Variants in UMPS observed in about 807,000 individuals in gnomAD.
UMPS encodes the protein uridine monophosphate synthetase, also known as uridine 5'-monophosphate synthase.
A neutral mutation model predicts 38.9 loss-of-function variants in UMPS; 21 were observed. That is an observed-to-expected ratio of 0.54 (90% confidence interval 0.38 to 0.78). The LOEUF is 0.78. Ranked by LOEUF, UMPS falls within the 30% of genes least tolerant of loss-of-function variation. The probability of loss-of-function intolerance (pLI) is 0.00; values close to 1 mark genes in which losing one functional copy is unlikely to be tolerated. For missense variants in UMPS, 533 were observed against 591.6 expected, an observed-to-expected ratio of 0.90 and a Z score of 1.03; for synonymous variants, 208 against 219.3, an observed-to-expected ratio of 0.95 and a Z score of 0.45.
At chr3:124,732,967 G>GGT (rs61383415) in intron 1 of UMPS, among the ~76,000 whole-genome samples, 30,496 of 147,622 alleles carry the variant, frequency 0.21, 3,485 homozygotes, top group Middle Eastern at 0.38. Flanking sequence ...ACTAGATCAT[G>GGT]GTGTGTGTGT....
chr3:124,744,535 A>G lies in UMPS; in HGVS notation c.*451A>G, dbSNP rs754465265. On this transcript the variant is annotated 3_prime_UTR_variant, in exon 6 of 6. Transcript: ENST00000232607. The stretch of plus-strand genomic sequence containing the variant: ...GTGATCCTCCCACCTCAGCTTCCAG[A>G]TTAGCTGGTGCTATAGGCATGCACC... The G allele has an allele frequency of 8.8e-6, 4 of 453,982 alleles. No homozygotes were observed. Among genetic ancestry groups the G allele is most frequent in the South Asian group, 6.2e-5 (4 of 64,466 alleles). The allele number at this position is 453,982 out of a possible 1,614,324, so 28.1% of individuals were successfully genotyped here.
chr3:124,736,501 C>T (rs190426548), intron 2 of UMPS, among the ~76,000 whole-genome samples: 35 of 152,096 alleles, frequency 2.3e-4, no homozygotes, highest in Non-Finnish European at 4.4e-5. Context: ...CAAGGTCTCA[C>T]TCTGTTGCCC....
At chr3:124,735,381 T>C (rs1179457541) in intron 2 of UMPS, 135 bp downstream of exon 2, 4 of 830,182 alleles carry the variant, frequency 4.8e-6, no homozygotes, top group Non-Finnish European at 5.7e-6. Flanking sequence ...GTAGAATTTA[T>C]AATTGTTACT....
chr3:124,743,837 T>C (rs1017779340), intron 5 of UMPS, 78 bp from the exon 6 acceptor site: 2 of 1,574,958 alleles, frequency 1.3e-6, no homozygotes, highest in Admixed American at 1.7e-5. Flanking sequence ...GCTGGTTAGA[T>C]ACTTTTTCAG....
chr3:124,741,951 T>TA (rs1236149491), intron 4 of UMPS, among the ~76,000 whole-genome samples: 29 of 151,840 alleles, frequency 1.9e-4, no homozygotes, highest in African/African-American at 6.8e-4. Flanking sequence ...CATGGTGACT[T>TA]ACAACTGTAA....
Position 124,749,165 on chromosome 3 carries a change from G to A in UMPS, c.*5081G>A, listed in dbSNP as rs777055483. 6.2e-5 allele frequency: 28 copies of A among 453,866 alleles called. 1 individual carries two copies. Among genetic ancestry groups the A allele is most frequent in the South Asian group, 4.0e-4 (26 of 64,468 alleles). The allele number at this position is 453,866 out of a possible 1,614,324, so 28.1% of individuals were successfully genotyped here. A position where few individuals can be genotyped will look rare whatever the true frequency, so the allele number is the denominator to read the frequency against. On this transcript the variant is annotated 3_prime_UTR_variant, in exon 6 of 6. Transcript: ENST00000232607. ...CTGGAACCTAGCAATGTTGTTTTCT[G>A]CCACAACTTGAATAGATACTTGAAG...
intron 4 of UMPS, among the ~76,000 whole-genome samples, chr3:124,741,512 G>A (rs1288783636): frequency 6.6e-6 from 1 of 152,216 alleles, no homozygotes; most frequent in Non-Finnish European, 1.5e-5. Flanking sequence ...AGTGGTAGAG[G>A]TGAGATTTCT....
chr3:124,738,301 A>G (rs1328807537), intron 3 of UMPS, 62 bp downstream of exon 3: 3 of 1,557,488 alleles, frequency 1.9e-6, no homozygotes, highest in Non-Finnish European at 2.6e-6. Flanking sequence ...AAGAAGAAAA[A>G]GGAAATGCTC....
In UMPS at chr3:124,746,755, TTGTGTGTG is replaced by T. The variant is rs58981387; in HGVS notation, c.*2706_*2713del. 57,546 of 419,746 alleles carry T rather than the reference TTGTGTGTG, an allele frequency of 0.14. 1,606 individuals are homozygous for T. The highest frequency in any genetic ancestry group is 0.2 in the Admixed American group (7,937 of 40,008). The allele number at this position is 419,746 out of a possible 1,614,324, so 26.0% of individuals were successfully genotyped here. ...ATTCTGTAGAACATAAGCCCATAGA[TTGTGTGTG>T]TGTGTGTGTGTGTGTGTGTGTGTGT... On this transcript the variant is annotated 3_prime_UTR_variant, in exon 6 of 6. Coordinates refer to ENST00000232607, the MANE Select transcript of UMPS (RefSeq NM_000373.4).
Position 124,737,847 on chromosome 3 carries a change from T to C in UMPS, c.590T>C (p.Val197Ala). Reference sequence around the variant, plus strand: ...GTTGATGCTGAGACAGTTGGGAGAGTGAAGAGGTTTATTCAGGAGAATGTC... The same window carrying C: ...GTTGATGCTGAGACAGTTGGGAGAGCGAAGAGGTTTATTCAGGAGAATGTC... Reference protein sequence around the residue: ...KKVDAETVGRVKRFIQENVFV... With the variant: ...KKVDAETVGRAKRFIQENVFV... The change falls in exon 3 of 6, where the codon GTG becomes GCG. Residue 197 changes from valine to alanine, a missense_variant. Val to Ala is a moderately conservative substitution (Grantham distance 64). Coordinates refer to ENST00000232607, the MANE Select transcript of UMPS (RefSeq NM_000373.4). The C allele has an allele frequency of 6.2e-7, 1 of 1,613,932 alleles. No homozygotes were observed. Among genetic ancestry groups the C allele is most frequent in the African/African-American group, 1.3e-5 (1 of 74,942 alleles).
rs146101361 is a variant in UMPS, at chr3:124,749,087, T to G, written c.*5003T>G. ...CTTAGCAGCCCTGCAGGGTGAGACT[T>G]GGGGAGGATCCTGAAATGATTGTAT... On this transcript the variant is annotated 3_prime_UTR_variant, in exon 6 of 6. Coordinates refer to ENST00000232607, the MANE Select transcript of UMPS (RefSeq NM_000373.4). 2 of 454,124 alleles carry G rather than the reference T, an allele frequency of 4.4e-6. No individual in the cohort carries two copies. Among genetic ancestry groups the G allele is most frequent in the Admixed American group, 4.7e-5 (2 of 42,570 alleles). The allele number at this position is 454,124 out of a possible 1,614,324, so 28.1% of individuals were successfully genotyped here. A position where few individuals can be genotyped will look rare whatever the true frequency, so the allele number is the denominator to read the frequency against.
chr3:124,744,862 T>C lies in UMPS; in HGVS notation c.*778T>C. On this transcript the variant is annotated 3_prime_UTR_variant, in exon 6 of 6. Coordinates refer to ENST00000232607, the MANE Select transcript of UMPS (RefSeq NM_000373.4). Reference sequence around the variant, plus strand: ...TCTGGCCTAAAAGTGATAGTCCAGGTATCCACATGGGCTGGTTCCCAGAAC... The same window carrying C: ...TCTGGCCTAAAAGTGATAGTCCAGGCATCCACATGGGCTGGTTCCCAGAAC... 2.2e-6 allele frequency: 1 copy of C among 454,098 alleles called. No homozygotes were observed. The highest frequency in any genetic ancestry group is 4.4e-6 in the Non-Finnish European group (1 of 226,794). 28.1% of individuals were successfully genotyped at this position (454,098 alleles called of 1,614,324 possible).
Position 124,738,156 on chromosome 3 carries a change from C to G in UMPS, c.899C>G (p.Thr300Ser). The change falls in exon 3 of 6, where the codon ACT (threonine) becomes AGT (serine). Residue 300 changes from threonine to serine, a missense_variant. Physicochemically the swap from Thr to Ser is moderately conservative, Grantham distance 58. Coordinates refer to ENST00000232607, the MANE Select transcript of UMPS (RefSeq NM_000373.4). ...CTGGATGTGATGAAGGAGTTGATAA[C>G]TCTGGCAAAATGCCATGAGTTCTTG... ...FTLDVMKELI[T>S]LAKCHEFLIF... 1 of 1,614,168 alleles carries G rather than the reference C, an allele frequency of 6.2e-7. No individual in the cohort carries two copies.
intron 2 of UMPS, chr3:124,737,224 T>C (rs2063523833): frequency 3.5e-6 from 1 of 286,568 alleles, no homozygotes; most frequent in Non-Finnish European, 6.7e-6. Flanking sequence ...GACAACATAG[T>C]GAGACCTCAT....
chr3:124,740,214 G>T lies in UMPS; in HGVS notation c.1158+15G>T. 3 of 1,598,952 alleles carry T rather than the reference G, an allele frequency of 1.9e-6. No homozygotes were observed. The highest frequency in any genetic ancestry group is 2.2e-5 in the South Asian group (2 of 89,930). On this transcript the variant is annotated intron_variant, in intron 4 of 5. Coordinates refer to ENST00000232607, the MANE Select transcript of UMPS (RefSeq NM_000373.4). ...CTAGAGCAGCGGTAAGTGGTGGGGG[G>T]ACTGGGTGAGAGGGGGCAGGGGCTG...
chr3:124,746,660 G>A lies in UMPS; in HGVS notation c.*2576G>A, dbSNP rs1251989510. ...TATAGGGACCCCATGTCTCCATGGGGTGCACAGAATGTCTGTGAGACTGAT... is the reference window on the plus strand; with the variant it reads ...TATAGGGACCCCATGTCTCCATGGGATGCACAGAATGTCTGTGAGACTGAT... On this transcript the variant is annotated 3_prime_UTR_variant, in exon 6 of 6. Transcript: ENST00000232607. 4.4e-6 allele frequency: 2 copies of A among 453,864 alleles called. No homozygotes were observed. Among genetic ancestry groups the A allele is most frequent in the Admixed American group, 4.7e-5 (2 of 42,554 alleles). 28.1% of individuals were successfully genotyped at this position (453,864 alleles called of 1,614,324 possible). A position where few individuals can be genotyped will look rare whatever the true frequency, so the allele number is the denominator to read the frequency against.
Position 124,748,621 on chromosome 3 carries a change from C to T in UMPS, c.*4537C>T. 1 of 453,968 alleles carries T rather than the reference C, an allele frequency of 2.2e-6. No individual in the cohort carries two copies. Among genetic ancestry groups the T allele is most frequent in the Admixed American group, 2.4e-5 (1 of 42,550 alleles). 28.1% of individuals were successfully genotyped at this position (453,968 alleles called of 1,614,324 possible). ...GGCTCTCACGTGCTGCTGCTGAATC[C>T]CAGGGAAGGAGGGAGGAAGGGCAGT... On this transcript the variant is annotated 3_prime_UTR_variant, in exon 6 of 6. Coordinates refer to ENST00000232607, the MANE Select transcript of UMPS (RefSeq NM_000373.4).
rs1344878542 is a variant in UMPS at position 124,745,165 on chromosome 3, T to C, written c.*1081T>C. 5 of 453,978 alleles carry C rather than the reference T, an allele frequency of 1.1e-5. No homozygotes were observed. Among genetic ancestry groups the C allele is most frequent in the Non-Finnish European group, 2.2e-5 (5 of 226,794 alleles). The allele number at this position is 453,978 out of a possible 1,614,324, so 28.1% of individuals were successfully genotyped here. On this transcript the variant is annotated 3_prime_UTR_variant, in exon 6 of 6. Coordinates refer to ENST00000232607, the MANE Select transcript of UMPS (RefSeq NM_000373.4). ...TTAGTAGAGGGGAGGTAAGCCTTCA[T>C]TAATAATAAAGAGAAAGCCCACATT...
chr3:124,738,233 T>C lies in UMPS; in HGVS notation c.976T>C (p.Tyr326His). The C allele has an allele frequency of 6.2e-7, 1 of 1,613,854 alleles. No homozygotes were observed. The highest frequency in any genetic ancestry group is 2.2e-5 in the East Asian group (1 of 44,892). Reference sequence around the variant, plus strand: ...TATAGGAAACACAGTGAAAAAGCAGTATGAAGGTAAGTGTATTATTCAGGA... The same window carrying C: ...TATAGGAAACACAGTGAAAAAGCAGCATGAAGGTAAGTGTATTATTCAGGA... ...ADIGNTVKKQ[Y>H]EGGIFKIASW... The change falls in exon 3 of 6, where the codon TAT (tyrosine) becomes CAT (histidine). Residue 326 changes from tyrosine (Y) to histidine (H), a missense_variant. Tyr to His is a moderately conservative substitution (Grantham distance 83). Transcript: ENST00000232607.
Sources: allele counts gnomAD v4.1 joint callset (sites outside exome capture counted in the v4.1 genomes callset), GRCh38; gene constraint gnomAD v4.1.1; transcripts MANE v1.5; gene names NCBI Gene and HGNC (gene_info 2026-07-23, HGNC 2026-07-21).